Variants in SHANK2 observed in about 807,000 individuals in gnomAD.
The protein encoded by SHANK2 is SH3 and multiple ankyrin repeat domains 2.
In SHANK2, 43 loss-of-function variants were observed where a neutral mutation model predicts 133.7. The observed-to-expected ratio is 0.32, with a 90% CI of 0.25 to 0.41. The LOEUF (loss-of-function observed/expected upper bound fraction) is 0.41. Ranked by LOEUF, SHANK2 falls within the 10% of genes least tolerant of loss-of-function variation. The probability of loss-of-function intolerance (pLI) is 1.00; values close to 1 mark genes in which losing one functional copy is unlikely to be tolerated. For synonymous variants in SHANK2, 1,017 were observed against 952.8 expected (o/e 1.07, Z -1.24); for missense variants, 1,994 against 2,235.8 (o/e 0.89, Z 2.18).
intron 1 of SHANK2, among the ~76,000 whole-genome samples, 182 bp from the exon 2 acceptor site, chr11:71,224,978 G>C (rs1357249798): frequency 2.0e-5 from 3 of 152,144 alleles, no homozygotes; most frequent in Admixed American, 6.5e-5. Flanking sequence ...TAAAACTCAG[G>C]ATGCTGTATA....
chr11:71,084,006 G>A (rs1220939317), intron 8 of SHANK2, among the ~76,000 whole-genome samples: 5 of 148,216 alleles, frequency 3.4e-5, no homozygotes, highest in Non-Finnish European at 5.9e-5. Context: ...GTCTTGCTCT[G>A]TCTCCCAGGC....
chr11:70,502,733 C>CGGGGGGGGG, intron 18 of SHANK2, 63 bp downstream of exon 18: 1 of 606,718 alleles, frequency 1.6e-6, no homozygotes, highest in Non-Finnish European at 2.5e-6. Flanking sequence ...GCTGTCCTGC[C>CGGGGGGGGG]CGCCCCCACC....
intron 11 of SHANK2, among the ~76,000 whole-genome samples, chr11:70,888,706 A>G (rs1392420459): frequency 8.6e-5 from 13 of 151,996 alleles, no homozygotes; most frequent in African/African-American, 3.1e-4. Flanking sequence ...AATCCCAGCT[A>G]CTCGGGAGGC....
At chr11:70,691,629 C>T (rs546526450) in intron 15 of SHANK2, among the ~76,000 whole-genome samples, 6 of 152,336 alleles carry the variant, frequency 3.9e-5, no homozygotes, top group South Asian at 2.1e-4. Context: ...CGGTGGCTCA[C>T]GCCTGTAATC....
intron 14 of SHANK2, among the ~76,000 whole-genome samples, chr11:70,726,107 T>C (rs1555030598): frequency 1.3e-5 from 2 of 152,180 alleles, no homozygotes; most frequent in African/African-American, 2.4e-5. Context: ...GGTAAGTGCA[T>C]TGAGGACTTT....
At chr11:70,577,651 C>T (rs2060133095) in intron 17 of SHANK2, among the ~76,000 whole-genome samples, 1 of 151,608 alleles carries the variant, frequency 6.6e-6, no homozygotes. Flanking sequence ...TGGTTTCCCA[C>T]CCAGGCCCAC....
intron 15 of SHANK2, among the ~76,000 whole-genome samples, chr11:70,679,643 G>C (rs1219572934): frequency 6.6e-6 from 1 of 152,262 alleles, no homozygotes; most frequent in Non-Finnish European, 1.5e-5. Context: ...TCCACTGAAC[G>C]GGAGGCTTGG....
chr11:70,922,195 A>C (rs1391024895), intron 10 of SHANK2, among the ~76,000 whole-genome samples: 4 of 152,208 alleles, frequency 2.6e-5, no homozygotes, highest in Admixed American at 6.5e-5. Context: ...GGATAAGGAA[A>C]TTGGAAAATT....
chr11:70,700,652 A>G (rs1041928261), intron 14 of SHANK2, among the ~76,000 whole-genome samples: 1 of 152,160 alleles, frequency 6.6e-6, no homozygotes, highest in Non-Finnish European at 1.5e-5. Context: ...GGCATCCAGC[A>G]TCTTGCACAG....
At chr11:71,068,083 C>A (rs1951091728) in intron 9 of SHANK2, among the ~76,000 whole-genome samples, 1 of 152,114 alleles carries the variant, frequency 6.6e-6, no homozygotes, top group Non-Finnish European at 1.5e-5. Flanking sequence ...CCATCACCAC[C>A]ATCATCACAA....
intron 2 of SHANK2, among the ~76,000 whole-genome samples, chr11:71,206,679 T>TA (rs1349085823): frequency 6.6e-6 from 1 of 152,164 alleles, no homozygotes; most frequent in Non-Finnish European, 1.5e-5. Flanking sequence ...CTCATGTCTG[T>TA]ACCCCCAGCA....
At chr11:71,082,540 G>A (rs892231905) in intron 8 of SHANK2, among the ~76,000 whole-genome samples, 46 of 152,300 alleles carry the variant, frequency 3.0e-4, no homozygotes, top group African/African-American at 1.0e-3. Flanking sequence ...GGCAGCTCAC[G>A]CTGGGCTGTA....
At chr11:70,700,343 C>A (rs888863160) in intron 14 of SHANK2, among the ~76,000 whole-genome samples, 1 of 152,154 alleles carries the variant, frequency 6.6e-6, no homozygotes, top group African/African-American at 2.4e-5. Flanking sequence ...GGGAGTGGGG[C>A]ACACTCCACT....
intron 17 of SHANK2, among the ~76,000 whole-genome samples, chr11:70,593,182 G>C (rs933315739): frequency 6.6e-6 from 1 of 152,168 alleles, no homozygotes; most frequent in East Asian, 1.9e-4. Flanking sequence ...GGCATTTTTG[G>C]CTAGGTGTAG....
chr11:70,949,414 A>G (rs1950801163), intron 10 of SHANK2, among the ~76,000 whole-genome samples: 1 of 152,218 alleles, frequency 6.6e-6, no homozygotes, highest in Non-Finnish European at 1.5e-5. Context: ...ACAAGCTCAG[A>G]GACTCCGCCC....
intron 22 of SHANK2, among the ~76,000 whole-genome samples, chr11:70,491,130 T>C (rs1334525031): frequency 6.6e-6 from 1 of 152,256 alleles, no homozygotes; most frequent in Admixed American, 6.5e-5. Flanking sequence ...AAAACTGAGA[T>C]GGCTCAGGGC....
At chr11:70,682,633 A>G (rs1945052882) in intron 15 of SHANK2, among the ~76,000 whole-genome samples, 1 of 152,194 alleles carries the variant, frequency 6.6e-6, no homozygotes, top group Non-Finnish European at 1.5e-5. Flanking sequence ...TCTAAAACAG[A>G]CAATGAAGAT....
rs374885931 is a variant in SHANK2, at chr11:70,473,451, A to G, written c.4980-12T>C. 273 of 1,600,798 alleles carry G rather than the reference A, an allele frequency of 1.7e-4. No homozygotes were observed. In the African/African-American group the frequency reaches 3.4e-3, roughly 20 times the overall value. On this transcript the variant is annotated splice_polypyrimidine_tract_variant and intron_variant, in intron 25 of 25. Transcript: ENST00000601538. The surrounding 1 kb of genome is among the most constrained non-coding windows in gnomAD (Gnocchi z 5.9). ...TGATCTCCGGGCTTCTGAAACAGCAACACAGAGAAAACCATCACAAGGCAG... is the reference window on the plus strand; with the variant it reads ...TGATCTCCGGGCTTCTGAAACAGCAGCACAGAGAAAACCATCACAAGGCAG...
At chr11:71,133,346 A>ATGGCTGCCTGGC (rs1952363271) in intron 3 of SHANK2, among the ~76,000 whole-genome samples, 1 of 111,890 alleles carries the variant, frequency 8.9e-6, no homozygotes, top group Non-Finnish European at 1.8e-5. Flanking sequence ...GGGAGGATGC[A>ATGGCTGCCTGGC]TGGCTGGCTG....
Sources: gnomAD v4.1 joint callset for allele counts (sites outside exome capture counted in the v4.1 genomes callset) on GRCh38, gnomAD v4.1.1 for gene constraint, Gnocchi (gnomAD v3.1) non-coding constraint, MANE v1.5 for transcripts, NCBI Gene and HGNC (gene_info 2026-07-23, HGNC 2026-07-21) for gene names.